The following CATSPERB variants were observed in gnomAD, a reference collection of about 807,000 sequenced individuals.
CATSPERB encodes the protein cation channel sperm-associated auxiliary subunit beta.
CATSPERB carries 93 observed loss-of-function variants against 128.3 expected under a neutral mutation model. The observed-to-expected ratio is 0.72, with a 90% CI of 0.61 to 0.86. The LOEUF (loss-of-function observed/expected upper bound fraction) is 0.86. CATSPERB is among the 40% of genes least tolerant of loss of function. The pLI is 0.00. For synonymous variants in CATSPERB, 381 were observed against 448.8 expected (o/e 0.85, Z 1.91); for missense variants, 1,153 against 1,329.5 (o/e 0.87, Z 2.06).
At chr14:91,620,559 T>C (rs1894024187) in intron 19 of CATSPERB, among the ~76,000 whole-genome samples, 1 of 152,248 alleles carries the variant, frequency 6.6e-6, no homozygotes, top group Non-Finnish European at 1.5e-5. Context: ...GTTTTATTTT[T>C]TCCATTGTGC....
intron 15 of CATSPERB, among the ~76,000 whole-genome samples, chr14:91,657,338 T>C (rs899377576): frequency 2.0e-5 from 3 of 152,038 alleles, no homozygotes; most frequent in Non-Finnish European, 4.4e-5. Context: ...ACTAGACCTC[T>C]TTCTCCACAC....
chr14:91,605,016 A>G (rs529028942), intron 22 of CATSPERB: 3 of 1,155,246 alleles, frequency 2.6e-6, no homozygotes, highest in Admixed American at 1.7e-5. Context: ...GTGGAAGAGA[A>G]CACAGTTCTG....
intron 14 of CATSPERB, among the ~76,000 whole-genome samples, chr14:91,664,335 G>A (rs113444934): frequency 0.046 from 6,231 of 134,272 alleles, 333 homozygotes; most frequent in African/African-American, 0.14. Flanking sequence ...GTGCAATCTC[G>A]GCTCACTGCA....
chr14:91,637,616 T>G (rs759463693), intron 16 of CATSPERB, among the ~76,000 whole-genome samples: 2 of 152,166 alleles, frequency 1.3e-5, no homozygotes, highest in Non-Finnish European at 2.9e-5. Context: ...GTGCCTCGCT[T>G]TCTTCATAAG....
chr14:91,606,690 A>G (rs1893711254), intron 22 of CATSPERB, among the ~76,000 whole-genome samples: 1 of 152,208 alleles, frequency 6.6e-6, no homozygotes, highest in Non-Finnish European at 1.5e-5. Context: ...AGATATACAA[A>G]TTCTCACCTA....
At chr14:91,724,964 C>A in intron 3 of CATSPERB, 116 bp downstream of exon 3, 1 of 422,880 alleles carries the variant, frequency 2.4e-6, no homozygotes, top group Non-Finnish European at 4.2e-6. Context: ...AGAATTTTCC[C>A]TCCCCAAGAC....
In CATSPERB at chr14:91,636,553, C is replaced by T. The variant is rs201944515; in HGVS notation, c.1614G>A (p.Ala538=). 6.8e-5 allele frequency: 110 copies of T among 1,613,678 alleles called. No individual in the cohort carries two copies. In the East Asian group the frequency reaches 1.4e-3, roughly 21 times the overall value. The part of the protein sequence containing the change: ...GQPPDMGFET[A]LAPQHTSLDE... Reference sequence around the variant, plus strand: ...CTAAGGAGGTGTGCTGTGGGGCAAGCGCAGTCTCAAAGCCCATATCTGGAG... The same window carrying T: ...CTAAGGAGGTGTGCTGTGGGGCAAGTGCAGTCTCAAAGCCCATATCTGGAG... Residue 538 remains alanine (A), a synonymous_variant, in exon 17 of 27, where the codon GCG becomes GCA. Transcript: ENST00000256343.
chr14:91,620,816 T>C (rs567831031), intron 19 of CATSPERB, among the ~76,000 whole-genome samples: 1 of 152,328 alleles, frequency 6.6e-6, no homozygotes, highest in East Asian at 1.9e-4. Context: ...CCTGTGTATA[T>C]GTGGGTTTCA....
intron 11 of CATSPERB, among the ~76,000 whole-genome samples, chr14:91,681,078 C>A (rs955755635): frequency 1.3e-5 from 2 of 152,176 alleles, no homozygotes; most frequent in Admixed American, 1.3e-4. Context: ...ATGTTATATG[C>A]ATGTTCGTTC....
At position 91,639,262 on chromosome 14, in the gene CATSPERB, T is replaced by G. The variant is rs1333352531; in HGVS notation, c.1433-12A>C. On this transcript the variant is annotated splice_polypyrimidine_tract_variant and intron_variant, in intron 15 of 26. Transcript: ENST00000256343. Reference sequence around the variant, plus strand: ...GTATCTTCCCATTCCTATTAGGAAATACAGAGAAGTGTCTTGATACTGATG... The same window carrying G: ...GTATCTTCCCATTCCTATTAGGAAAGACAGAGAAGTGTCTTGATACTGATG... 26 of 1,610,538 alleles carry G rather than the reference T, an allele frequency of 1.6e-5. 1 individual carries two copies. The highest frequency in any genetic ancestry group is 2.2e-5 in the Non-Finnish European group (26 of 1,178,450).
At chr14:91,648,441 A>C (rs1595163454) in intron 15 of CATSPERB, among the ~76,000 whole-genome samples, 1 of 152,286 alleles carries the variant, frequency 6.6e-6, no homozygotes, top group East Asian at 1.9e-4. Flanking sequence ...ATTCCTCTAC[A>C]TGGAATGTTC....
intron 21 of CATSPERB, among the ~76,000 whole-genome samples, chr14:91,609,808 C>A (rs575391675): frequency 6.6e-6 from 1 of 152,112 alleles, no homozygotes; most frequent in Non-Finnish European, 1.5e-5. Context: ...GCACCATCTC[C>A]GCTCACTGCA....
intron 13 of CATSPERB, among the ~76,000 whole-genome samples, chr14:91,671,489 C>T (rs2756169): frequency 0.17 from 26,220 of 151,602 alleles, 2,497 homozygotes; most frequent in African/African-American, 0.24. Context: ...GCAGGAGAAT[C>T]GCTTGAGCCT....
chr14:91,612,204 T>A (rs1893847488), intron 20 of CATSPERB, among the ~76,000 whole-genome samples: 1 of 152,160 alleles, frequency 6.6e-6, no homozygotes, highest in Non-Finnish European at 1.5e-5. Flanking sequence ...GGACTATAGA[T>A]GTGTGCCACC....
chr14:91,714,531 A>G (rs1895902523), intron 5 of CATSPERB, among the ~76,000 whole-genome samples: 1 of 151,100 alleles, frequency 6.6e-6, no homozygotes, highest in Non-Finnish European at 1.5e-5. Context: ...TACCACTTAC[A>G]ATAACACTCC....
chr14:91,716,146 G>A (rs1338891415), intron 5 of CATSPERB, among the ~76,000 whole-genome samples: 6 of 152,138 alleles, frequency 3.9e-5, no homozygotes, highest in Admixed American at 3.9e-4. Context: ...ACCCCAGACT[G>A]GGAGAAAATA....
rs1336459194 is a variant in CATSPERB, at chr14:91,621,685, G to A, written c.2183C>T (p.Pro728Leu). 3 of 1,613,254 alleles carry A rather than the reference G, an allele frequency of 1.9e-6. No individual in the cohort carries two copies. The highest frequency in any genetic ancestry group is 2.5e-6 in the Non-Finnish European group (3 of 1,179,250). Residue 728 changes from proline to leucine, a missense_variant, in exon 19 of 27, where the codon CCA (proline) becomes CTA (leucine). By Grantham distance (98) the Pro-to-Leu change is moderately conservative (BLOSUM62 -3). Coordinates refer to ENST00000256343, the MANE Select transcript of CATSPERB (RefSeq NM_024764.4). Reference sequence around the variant, plus strand: ...AATGTATTTCACGATGTTGAGGGATGGTGAATCATCATGTTGAAACCAATA... The same window carrying A: ...AATGTATTTCACGATGTTGAGGGATAGTGAATCATCATGTTGAAACCAATA... ...CNYWFQHDDS[P>L]SLNIVKYIDL...
At chr14:91,691,828 A>G (rs17127497) in intron 9 of CATSPERB, among the ~76,000 whole-genome samples, 7,884 of 152,250 alleles carry the variant, frequency 0.052, 273 homozygotes, top group East Asian at 0.13. Flanking sequence ...GTGTGATTCC[A>G]GAAAGGATTT....
At chr14:91,612,860 A>G (rs1034137639) in intron 20 of CATSPERB, among the ~76,000 whole-genome samples, 1 of 152,216 alleles carries the variant, frequency 6.6e-6, no homozygotes, top group Admixed American at 6.5e-5. Flanking sequence ...AAAATCTGGA[A>G]TGTTGGAAAT....
Sources: gnomAD v4.1 joint callset for allele counts (sites outside exome capture counted in the v4.1 genomes callset) on GRCh38, gnomAD v4.1.1 for gene constraint, MANE v1.5 for transcripts, NCBI Gene and HGNC (gene_info 2026-07-23, HGNC 2026-07-21) for gene names.